Variants in BCAR3 observed in about 807,000 individuals in gnomAD.
The protein encoded by BCAR3 is BCAR3 adaptor protein, NSP family member.
A neutral mutation model predicts 80.1 loss-of-function variants in BCAR3; 37 were observed. The observed-to-expected ratio is 0.46, with a 90% CI of 0.36 to 0.61. BCAR3 has a LOEUF of 0.61. Among genes scored for constraint, BCAR3 ranks in the 20% least tolerant of loss-of-function variants. The pLI, the probability that BCAR3 is intolerant of heterozygous loss-of-function variation, is 0.00. For synonymous variants in BCAR3, 389 were observed against 418.9 expected, an observed-to-expected ratio of 0.93 and a Z score of 0.87; for missense variants, 978 against 1,068.2, an observed-to-expected ratio of 0.92 and a Z score of 1.18.
At chr1:93,591,168 T>TAA (rs35143036) in intron 4 of BCAR3, among the ~76,000 whole-genome samples, 9,447 of 66,202 alleles carry the variant, frequency 0.14, 1,344 homozygotes, top group African/African-American at 0.21. Flanking sequence ...TCTACTACAT[T>TAA]AAAAAAAAAA....
intron 2 of BCAR3, among the ~76,000 whole-genome samples, chr1:93,660,126 C>G (rs1647583878): frequency 6.6e-6 from 1 of 152,048 alleles, no homozygotes; most frequent in African/African-American, 2.4e-5. Context: ...TCCCACTACA[C>G]TCTATGAGTT....
chr1:93,736,100 T>C (rs934155749), intron 2 of BCAR3, among the ~76,000 whole-genome samples: 3 of 152,204 alleles, frequency 2.0e-5, no homozygotes, highest in Non-Finnish European at 4.4e-5. Flanking sequence ...ATTATTGAAT[T>C]AAATTAAGAA....
In BCAR3 at chr1:93,582,590, GGC is replaced by G; in HGVS notation, c.1395_1396del (p.Pro466ArgfsTer13). 6.2e-7 allele frequency: 1 copy of G among 1,613,578 alleles called. No individual in the cohort carries two copies. Among genetic ancestry groups the G allele is most frequent in the Non-Finnish European group, 8.5e-7 (1 of 1,179,828 alleles). ...GTTGACGCCAGAGTTCCGGGGACCT[GGC>G]GCCTCATTCTGCTTGGCTGTGAGCA... is the stretch of plus-strand genomic sequence containing the variant. On this transcript the variant is annotated frameshift_variant, in exon 7 of 12. Coordinates refer to ENST00000260502, the MANE Select transcript of BCAR3 (RefSeq NM_003567.4). LOFTEE classifies it high-confidence loss of function.
At chr1:93,565,887 T>C (rs1276954065) in intron 11 of BCAR3, among the ~76,000 whole-genome samples, 1 of 152,186 alleles carries the variant, frequency 6.6e-6, no homozygotes, top group Non-Finnish European at 1.5e-5. Flanking sequence ...TGTGAGCCCT[T>C]GAAGAATTTA....
intron 2 of BCAR3, among the ~76,000 whole-genome samples, chr1:93,653,564 T>C (rs1647220569): frequency 6.6e-6 from 1 of 152,230 alleles, no homozygotes; most frequent in Non-Finnish European, 1.5e-5. Flanking sequence ...GCATCTATAA[T>C]ATGCCATGCA....
At chr1:93,812,986 C>T (rs1041172528) in intron 2 of BCAR3, among the ~76,000 whole-genome samples, 4 of 152,140 alleles carry the variant, frequency 2.6e-5, no homozygotes, top group Non-Finnish European at 2.9e-5. Context: ...TAACATTTCC[C>T]CTGCTCATTC....
intron 2 of BCAR3, among the ~76,000 whole-genome samples, chr1:93,838,306 G>T (rs2100845261): frequency 6.6e-6 from 1 of 152,296 alleles, no homozygotes; most frequent in South Asian, 2.1e-4. Flanking sequence ...ATGTGTGAAG[G>T]GGGAGAAAAA....
chr1:93,816,650 G>A (rs565992651), intron 2 of BCAR3, among the ~76,000 whole-genome samples: 25 of 121,950 alleles, frequency 2.1e-4, no homozygotes, highest in African/African-American at 5.9e-4. Flanking sequence ...TAGCCTCGGC[G>A]ACAGAGCTAG....
intron 2 of BCAR3, among the ~76,000 whole-genome samples, chr1:93,837,009 A>G (rs958234143): frequency 1.4e-4 from 22 of 152,112 alleles, no homozygotes; most frequent in Non-Finnish European, 1.2e-4. Context: ...GACTCAGCCC[A>G]CCTGCACCCA....
chr1:93,673,259 T>TA (rs1648306624), intron 2 of BCAR3, among the ~76,000 whole-genome samples: 2 of 152,236 alleles, frequency 1.3e-5, no homozygotes, highest in Non-Finnish European at 2.9e-5. Flanking sequence ...TGGGAAGATA[T>TA]TGCTTCAGAT....
At chr1:93,648,875 C>T (rs1003408760) in intron 2 of BCAR3, 3 of 152,580 alleles carry the variant, frequency 2.0e-5, no homozygotes, top group African/African-American at 7.2e-5. Flanking sequence ...GCTGCAGCTT[C>T]CCTGGTCTGC....
chr1:93,593,206 G>A (rs1409064303), intron 3 of BCAR3, among the ~76,000 whole-genome samples: 3 of 152,132 alleles, frequency 2.0e-5, no homozygotes, highest in South Asian at 4.1e-4. Flanking sequence ...TTCCCAGCAA[G>A]ACCAGGCATG....
intron 9 of BCAR3, 80 bp downstream of exon 9, chr1:93,571,590 A>G (rs1673218355): frequency 6.5e-7 from 1 of 1,547,064 alleles, no homozygotes; most frequent in Admixed American, 1.7e-5. Context: ...GAGATTGACT[A>G]AAATAGTCTG....
At chr1:93,580,354 G>C (rs1673648365) in intron 7 of BCAR3, among the ~76,000 whole-genome samples, 1 of 152,104 alleles carries the variant, frequency 6.6e-6, no homozygotes, top group African/African-American at 2.4e-5. Context: ...AAATAAAAAA[G>C]GGCTTCAAAT....
intron 7 of BCAR3, among the ~76,000 whole-genome samples, chr1:93,581,213 G>A (rs1673694006): frequency 6.6e-6 from 1 of 151,860 alleles, no homozygotes; most frequent in Non-Finnish European, 1.5e-5. Context: ...TGGAAAGACA[G>A]TCATGTTTGT....
chr1:93,764,891 C>A (rs915165464), intron 2 of BCAR3, among the ~76,000 whole-genome samples: 13 of 152,192 alleles, frequency 8.5e-5, no homozygotes, highest in Non-Finnish European at 1.6e-4. Context: ...CCCGGTCTAC[C>A]CCAGGCCACA....
chr1:93,808,387 A>AC (rs1329065692), intron 2 of BCAR3, among the ~76,000 whole-genome samples: 3 of 152,306 alleles, frequency 2.0e-5, no homozygotes, highest in Non-Finnish European at 2.9e-5. Flanking sequence ...AGAATTTTAT[A>AC]CCCAGCCAAT....
intron 2 of BCAR3, among the ~76,000 whole-genome samples, chr1:93,764,905 A>G (rs1652090130): frequency 6.6e-6 from 1 of 152,118 alleles, no homozygotes; most frequent in Non-Finnish European, 1.5e-5. Flanking sequence ...GGCCACATCC[A>G]CAGTCCTAGG....
At position 93,833,483 on chromosome 1, in the gene BCAR3, C is replaced by T. The variant is rs536785232; in HGVS notation, c.-63+12084G>A. Among the ~76,000 whole-genome samples the T allele has an allele frequency of 1.5e-4, 23 of 152,274 alleles. 2 individuals carry two copies. Among genetic ancestry groups the T allele is most frequent in the Admixed American group, 7.8e-4 (12 of 15,298 alleles). The stretch of plus-strand genomic sequence containing the variant: ...TTCCTAATCCTAGCAAGCCTGGGAG[C>T]GCTGCAGGAGACCAGGGTGTATTTC... On this transcript the variant is annotated intron_variant, in intron 2 of 13. Coordinates refer to the BCAR3 transcript ENST00000370244.
Sources: allele counts gnomAD v4.1 joint callset (sites outside exome capture counted in the v4.1 genomes callset), GRCh38; gene constraint gnomAD v4.1.1; transcripts MANE v1.5; gene names NCBI Gene and HGNC (gene_info 2026-07-23, HGNC 2026-07-21).